The following KRT78 variants were observed in gnomAD, a reference collection of about 807,000 sequenced individuals.
KRT78 encodes the protein keratin 78, also known as keratin, type II cytoskeletal 78.
In KRT78, 55 loss-of-function variants were observed where a neutral mutation model predicts 51.4. The observed-to-expected ratio is 1.07, with a 90% CI of 0.86 to 1.34. The LOEUF (loss-of-function observed/expected upper bound fraction) is 1.34, where lower values mean the gene tolerates loss of function less well. KRT78 is among the 40% of genes most tolerant of loss of function. KRT78 has a pLI of 0.00. For synonymous variants in KRT78, 291 were observed against 264.3 expected (o/e 1.10, Z -0.98); for missense variants, 652 against 649.4 (o/e 1.00, Z -0.04).
intron 5 of KRT78, 51 bp from the exon 6 acceptor site, chr12:52,844,269 G>C (rs1940588104): frequency 1.9e-6 from 3 of 1,540,152 alleles, no homozygotes; most frequent in Non-Finnish European, 2.6e-6. Context: ...TGCCACCTTT[G>C]ACCATCTCCT....
intron 3 of KRT78, 48 bp downstream of exon 3, chr12:52,846,716 C>A (rs755316910): frequency 1.3e-6 from 2 of 1,527,930 alleles, no homozygotes. Context: ...AGGCTCCGTG[C>A]ACAGTGGATG....
chr12:52,848,588 TCTC>T lies in KRT78; in HGVS notation c.340_342del (p.Glu114del), dbSNP rs761738747. The T allele has an allele frequency of 3.7e-6, 6 of 1,613,884 alleles. No homozygotes were observed. The African/African-American group carries it at 8.0e-5, about 22-fold the overall frequency. Reference sequence around the variant, plus strand: ...GCAAACTGGTTGTTGAGGGTTCTGATCTCCTGGGTCTCCTGCGTCCGCACCACC... The same window carrying T: ...GCAAACTGGTTGTTGAGGGTTCTGATCTGGGTCTCCTGCGTCCGCACCACC... On this transcript the variant is annotated inframe_deletion, in exon 1 of 9. Coordinates refer to ENST00000304620, the MANE Select transcript of KRT78 (RefSeq NM_173352.4).
chr12:52,841,098 A>T (rs1359492959), intron 6 of KRT78, among the ~76,000 whole-genome samples: 1 of 152,112 alleles, frequency 6.6e-6, no homozygotes, highest in African/African-American at 2.4e-5. Context: ...GAGGGTCACA[A>T]TGGTTCTCAT....
intron 6 of KRT78, 141 bp downstream of exon 6, chr12:52,843,952 T>C: frequency 2.0e-6 from 2 of 1,014,974 alleles, no homozygotes; most frequent in Admixed American, 4.7e-5. Context: ...TCTCCCCAAA[T>C]TATCCAAAGC....
At chr12:52,847,433 C>A (rs565427572) in intron 2 of KRT78, among the ~76,000 whole-genome samples, 1 of 152,218 alleles carries the variant, frequency 6.6e-6, no homozygotes, top group East Asian at 1.9e-4. Context: ...GTGACCTAGG[C>A]GTGGAGCCCA....
chr12:52,844,072 T>TG (rs1258811421), intron 6 of KRT78, 21 bp downstream of exon 6: 19 of 1,611,696 alleles, frequency 1.2e-5, no homozygotes, highest in Admixed American at 1.7e-5. Context: ...AGAGGACATT[T>TG]GGGGGTCTCT....
At chr12:52,841,343 C>T (rs1483862408) in intron 6 of KRT78, among the ~76,000 whole-genome samples, 1 of 151,436 alleles carries the variant, frequency 6.6e-6, no homozygotes, top group South Asian at 2.1e-4. Context: ...AAAAATTAGC[C>T]GGGCATGGTG....
rs1284615783 is a variant in KRT78, at chr12:52,848,781, G to T, written c.150C>A (p.Gly50=). The T allele has an allele frequency of 1.2e-6, 2 of 1,609,938 alleles. No homozygotes were observed. The highest frequency in any genetic ancestry group is 1.4e-5 in the African/African-American group (1 of 73,656). The change falls in exon 1 of 9, where the codon GGC becomes GGA. Residue 50 remains glycine, a synonymous_variant. Coordinates refer to ENST00000304620, the MANE Select transcript of KRT78 (RefSeq NM_173352.4). ...SLNSFGGCLE[G]SRGSTWGSGG... is the part of the protein sequence containing the mutation. Reference sequence around the variant, plus strand: ...CTGACCCCCAGGTACTCCCACGAGAGCCTTCCAGGCACCCCCCAAAGGAAT... The same window carrying T: ...CTGACCCCCAGGTACTCCCACGAGATCCTTCCAGGCACCCCCCAAAGGAAT...
intron 7 of KRT78, 21 bp from the exon 8 acceptor site, chr12:52,839,508 G>A: frequency 6.4e-7 from 1 of 1,568,614 alleles, no homozygotes; most frequent in South Asian, 1.2e-5. Context: ...AAGGACAAGA[G>A]GGGGATGCGC....
intron 6 of KRT78, 130 bp from the exon 7 acceptor site, chr12:52,840,114 C>T (rs530639584): frequency 6.6e-5 from 43 of 654,202 alleles, no homozygotes; most frequent in Non-Finnish European, 9.0e-5. Context: ...TATCCATGGC[C>T]GTCTGTACCA....
chr12:52,844,661 G>T lies in KRT78; in HGVS notation c.819C>A (p.Asn273Lys). ...DTSVVLSMDN[N>K]RYLDFSSIIT... ...TGATGCTGCTGAAGTCCAGGTAGCG[G>T]TTGTTGTCCATGGACAGCACCACAG... The change falls in exon 5 of 9, where the codon AAC becomes AAA. Residue 273 changes from asparagine to lysine, a missense_variant. Physicochemically the swap from Asn to Lys is moderately conservative, Grantham distance 94 (BLOSUM62 0). Transcript: ENST00000304620. 6.2e-7 allele frequency: 1 copy of T among 1,614,172 alleles called. No individual in the cohort carries two copies. The highest frequency in any genetic ancestry group is 8.5e-7 in the Non-Finnish European group (1 of 1,180,020).
In KRT78 at chr12:52,848,182, A is replaced by G. The variant is rs1249537941; in HGVS notation, c.385-61T>C. The G allele has an allele frequency of 1.9e-6, 3 of 1,582,894 alleles. No individual in the cohort carries two copies. The African/African-American group carries it at 4.0e-5, about 21-fold the overall frequency. ...GGGACTCCCTGTGCACAGCCTCTGG[A>G]AAGTAAAGCCTGAGGGACCCTCCCA... On this transcript the variant is annotated intron_variant, in intron 1 of 8. Transcript: ENST00000304620.
rs187836523 is a variant in KRT78 at position 52,847,967 on chromosome 12, C to G, written c.539G>C (p.Arg180Pro). Residue 180 changes from arginine (R) to proline (P), a missense_variant, in exon 2 of 9, where the codon CGA (arginine) becomes CCA (proline). Transcript: ENST00000304620. ...CTTCAACTCAGCATCCAGAGCCCCT[C>G]GTTCTCCCTGGAGCTGCTCCAGCTG... Reference protein sequence around the residue: ...RKQLEQLQGERGALDAELKAC... With the variant: ...RKQLEQLQGEPGALDAELKAC... 1.2e-6 allele frequency: 2 copies of G among 1,614,202 alleles called. No individual in the cohort carries two copies. The highest frequency in any genetic ancestry group is 3.3e-5 in the Admixed American group (2 of 60,032).
rs373291714 is a variant in KRT78 at position 52,840,600 on chromosome 12, G to C, written c.1048-616C>G. Among the ~76,000 whole-genome samples, 22 of 152,170 alleles carry C rather than the reference G, an allele frequency of 1.4e-4. No homozygotes were observed. The East Asian group carries it at 4.2e-3, about 29-fold the overall frequency. On this transcript the variant is annotated intron_variant, in intron 6 of 8. Coordinates refer to ENST00000304620, the MANE Select transcript of KRT78 (RefSeq NM_173352.4). ...CACGCACCTGTAGTCCCAGCTACTC[G>C]GGAGGCTGAGGCAGGAGAATTGCTT...
chr12:52,843,688 CAAAAAAA>C (rs1158055717), intron 6 of KRT78, among the ~76,000 whole-genome samples: 2 of 63,220 alleles, frequency 3.2e-5, no homozygotes, highest in African/African-American at 4.2e-5. Flanking sequence ...GACTCTGTCT[CAAAAAAA>C]AAAAAAAAAA....
At chr12:52,843,991 A>G in intron 6 of KRT78, 102 bp downstream of exon 6, 2 of 1,466,886 alleles carry the variant, frequency 1.4e-6, no homozygotes, top group Admixed American at 2.1e-5. Flanking sequence ...TCCTCGACAC[A>G]AAACCACTGG....
At chr12:52,841,553 C>A (rs888634956) in intron 6 of KRT78, among the ~76,000 whole-genome samples, 1 of 152,006 alleles carries the variant, frequency 6.6e-6, no homozygotes, top group East Asian at 1.9e-4. Context: ...GGATGAGATC[C>A]CTGTCTTTAT....
chr12:52,840,011 A>G (rs2120385420), intron 6 of KRT78, 27 bp from the exon 7 acceptor site: 1 of 1,571,116 alleles, frequency 6.4e-7, no homozygotes, highest in East Asian at 2.3e-5. Flanking sequence ...AATGAGCGAG[A>G]AGGTGGTTGT....
intron 4 of KRT78, chr12:52,845,847 G>A (rs917353895): frequency 7.7e-5 from 18 of 234,702 alleles, no homozygotes; most frequent in Admixed American, 4.6e-4. Flanking sequence ...CCACCTACTT[G>A]GGAAGCTGAG....
Sources: gnomAD v4.1 joint callset for allele counts (sites outside exome capture counted in the v4.1 genomes callset) on GRCh38, gnomAD v4.1.1 for gene constraint, MANE v1.5 for transcripts, NCBI Gene and HGNC (gene_info 2026-07-23, HGNC 2026-07-21) for gene names.